The following NUMB variants were observed in gnomAD, a reference collection of about 807,000 sequenced individuals.
NUMB encodes protein numb homolog.
NUMB carries 29 observed loss-of-function variants against 59.7 expected under a neutral mutation model. The ratio of observed to expected loss-of-function variants is 0.49; its 90% CI spans 0.36 to 0.66. The LOEUF (loss-of-function observed/expected upper bound fraction) is 0.66. Ranked by LOEUF, NUMB falls within the 30% of genes least tolerant of loss-of-function variation. The pLI, the probability that NUMB is intolerant of heterozygous loss-of-function variation, is 0.00. For missense variants in NUMB, 723 were observed against 822.0 expected, an observed-to-expected ratio of 0.88 and a Z score of 1.47; for synonymous variants, 288 against 288.2, an observed-to-expected ratio of 1.00 and a Z score of 0.01.
intron 1 of NUMB, among the ~76,000 whole-genome samples, chr14:73,427,569 C>G (rs1193894655): frequency 6.6e-6 from 1 of 152,066 alleles, no homozygotes; most frequent in Non-Finnish European, 1.5e-5. Context: ...AGCAGGAACT[C>G]TAAACTTTGT....
intron 1 of NUMB, among the ~76,000 whole-genome samples, chr14:73,418,371 C>T (rs949531649): frequency 1.3e-5 from 2 of 152,150 alleles, no homozygotes; most frequent in African/African-American, 4.8e-5. Flanking sequence ...GGCCCGTGCC[C>T]ATTTCAGTTT....
chr14:73,430,901 C>T (rs994609607), intron 1 of NUMB, among the ~76,000 whole-genome samples: 3 of 151,110 alleles, frequency 2.0e-5, no homozygotes, highest in East Asian at 2.0e-4. Context: ...GCCGAGATTG[C>T]GCCACTGCAC....
At chr14:73,337,021 C>T (rs1347974362) in intron 4 of NUMB, among the ~76,000 whole-genome samples, 2 of 151,944 alleles carry the variant, frequency 1.3e-5, no homozygotes, top group African/African-American at 4.8e-5. Flanking sequence ...CACATGAGGC[C>T]AGGAGTTCAA....
intron 6 of NUMB, among the ~76,000 whole-genome samples, chr14:73,305,952 A>G (rs1246966709): frequency 1.3e-5 from 2 of 152,132 alleles, no homozygotes; most frequent in East Asian, 3.9e-4. Flanking sequence ...TGCTTTTTAA[A>G]TCAGAAAAGA....
chr14:73,287,763 T>C (rs1799489156), intron 8 of NUMB, among the ~76,000 whole-genome samples: 1 of 152,216 alleles, frequency 6.6e-6, no homozygotes, highest in African/African-American at 2.4e-5. Flanking sequence ...TTAATTTAAA[T>C]GAATAAATTT....
intron 4 of NUMB, among the ~76,000 whole-genome samples, chr14:73,343,388 GGATA>G (rs1892742257): frequency 6.6e-6 from 1 of 152,150 alleles, no homozygotes; most frequent in Non-Finnish European, 1.5e-5. Context: ...AGGACAAAAA[GGATA>G]GATATTTAAG....
chr14:73,450,681 G>C (rs1478021405), intron 1 of NUMB, among the ~76,000 whole-genome samples: 2 of 152,042 alleles, frequency 1.3e-5, no homozygotes, highest in African/African-American at 4.8e-5. Context: ...TGTAATCCCA[G>C]CTACTCGGAA....
In NUMB at chr14:73,286,360, T is replaced by C. The variant is rs1440415312; in HGVS notation, c.655+750A>G. The C allele has an allele frequency of 2.0e-5, 3 of 152,240 alleles. No individual in the cohort carries two copies. The South Asian group carries it at 6.2e-4, about 32-fold the overall frequency. The allele number at this position is 152,240 out of a possible 1,614,324, so 9.4% of individuals were successfully genotyped here. ...GCCTCAAAATTATATTAATGTCTATTAGTTAACTTGAATTGTTTGTGCTTG... is the reference window on the plus strand; with the variant it reads ...GCCTCAAAATTATATTAATGTCTATCAGTTAACTTGAATTGTTTGTGCTTG... On this transcript the variant is annotated intron_variant, in intron 9 of 12. Coordinates refer to ENST00000555238, the MANE Select transcript of NUMB (RefSeq NM_001005743.2).
chr14:73,350,078 T>TACACACACACACACAC (rs71112732), intron 4 of NUMB, among the ~76,000 whole-genome samples: 1 of 137,692 alleles, frequency 7.3e-6, no homozygotes, highest in Non-Finnish European at 1.5e-5. Context: ...CATACATACA[T>TACACACACACACACAC]ACACACACAC....
chr14:73,277,921 G>C (rs925413831), intron 12 of NUMB, among the ~76,000 whole-genome samples: 2 of 151,936 alleles, frequency 1.3e-5, no homozygotes, highest in African/African-American at 4.8e-5. Flanking sequence ...AGCTGGGCGT[G>C]GTGGTATGCA....
At chr14:73,438,123 C>A (rs986006477) in intron 1 of NUMB, among the ~76,000 whole-genome samples, 4 of 152,172 alleles carry the variant, frequency 2.6e-5, no homozygotes, top group African/African-American at 9.7e-5. Flanking sequence ...ATGTTTTGCT[C>A]TCCTGAGAGC....
intron 10 of NUMB, among the ~76,000 whole-genome samples, chr14:73,283,038 A>T (rs1057066842): frequency 7.2e-5 from 11 of 152,254 alleles, no homozygotes; most frequent in Non-Finnish European, 1.2e-4. Flanking sequence ...AGTACTAAGC[A>T]TATGATCTAT....
At position 73,383,911 on chromosome 14, in the gene NUMB, A is replaced by AG. The variant is rs1895372031; in HGVS notation, c.-100-16931dup. Among the ~76,000 whole-genome samples, 3 of 151,882 alleles carry AG rather than the reference A, an allele frequency of 2.0e-5. No homozygotes were observed. The South Asian group carries it at 6.2e-4, about 32-fold the overall frequency. On this transcript the variant is annotated intron_variant, in intron 2 of 12. Coordinates refer to ENST00000555238, the MANE Select transcript of NUMB (RefSeq NM_001005743.2). Reference sequence around the variant, plus strand: ...CGCGCCTATAGTCCCAGCTACTGGGAGGGGCTGAGGCAGAGGAACCGCTTG... The same window carrying AG: ...CGCGCCTATAGTCCCAGCTACTGGGAGGGGGCTGAGGCAGAGGAACCGCTTG...
At chr14:73,418,375 T>C (rs1897216094) in intron 1 of NUMB, among the ~76,000 whole-genome samples, 1 of 152,190 alleles carries the variant, frequency 6.6e-6, no homozygotes, top group Non-Finnish European at 1.5e-5. Context: ...CGTGCCCATT[T>C]CAGTTTGTAA....
intron 6 of NUMB, among the ~76,000 whole-genome samples, chr14:73,309,183 AC>A (rs1443733540): frequency 1.3e-5 from 2 of 152,274 alleles, no homozygotes. Context: ...TGGGAGGGAA[AC>A]AATATATGAG....
chr14:73,347,780 C>A (rs1361748862), intron 4 of NUMB, among the ~76,000 whole-genome samples: 1 of 152,168 alleles, frequency 6.6e-6, no homozygotes, highest in Non-Finnish European at 1.5e-5. Flanking sequence ...CACTGCCTGT[C>A]CCCTCTATGT....
chr14:73,285,977 CT>C (rs900808369), intron 9 of NUMB, among the ~76,000 whole-genome samples: 1 of 149,974 alleles, frequency 6.7e-6, no homozygotes, highest in Non-Finnish European at 1.5e-5. Context: ...ACAAAAATGA[CT>C]AGTTTAGAAC....
chr14:73,284,434 G>A (rs1566725515), intron 9 of NUMB, 60 bp from the exon 10 acceptor site: 2 of 1,472,500 alleles, frequency 1.4e-6, no homozygotes, highest in Non-Finnish European at 1.8e-6. Flanking sequence ...TGCGTTTAGA[G>A]AGCTGACAAA....
intron 8 of NUMB, 145 bp downstream of exon 8, chr14:73,292,589 G>A: frequency 1.5e-6 from 1 of 672,118 alleles, no homozygotes; most frequent in Non-Finnish European, 2.5e-6. Flanking sequence ...TGAACTATTT[G>A]AATAAAAGGA....
Sources: allele counts gnomAD v4.1 joint callset (sites outside exome capture counted in the v4.1 genomes callset), GRCh38; gene constraint gnomAD v4.1.1; transcripts MANE v1.5; gene names NCBI Gene and HGNC (gene_info 2026-07-23, HGNC 2026-07-21).